The following DNAJC6 variants were observed in gnomAD, a reference collection of about 807,000 sequenced individuals.
DNAJC6 encodes auxilin.
A neutral mutation model predicts 110.0 loss-of-function variants in DNAJC6; 34 were observed. The ratio of observed to expected loss-of-function variants is 0.31; its 90% CI spans 0.24 to 0.41. The LOEUF (loss-of-function observed/expected upper bound fraction) is 0.41, where lower values mean the gene tolerates loss of function less well. Ranked by LOEUF, DNAJC6 falls within the 10% of genes least tolerant of loss-of-function variation. The probability of loss-of-function intolerance (pLI) is 1.00; values close to 1 mark genes in which losing one functional copy is unlikely to be tolerated. For missense variants in DNAJC6, 1,031 were observed against 1,207.8 expected (o/e 0.85, Z 2.17); for synonymous variants, 406 against 437.2 (o/e 0.93, Z 0.89).
At chr1:65,383,018 T>C (rs1309298885) in intron 5 of DNAJC6, among the ~76,000 whole-genome samples, 1 of 152,236 alleles carries the variant, frequency 6.6e-6, no homozygotes, top group East Asian at 1.9e-4. Flanking sequence ...GTTTATTTTT[T>C]GTTCTCACAA....
chr1:65,278,008 A>G (rs182361469), intron 1 of DNAJC6, among the ~76,000 whole-genome samples: 2 of 152,228 alleles, frequency 1.3e-5, no homozygotes, highest in Admixed American at 1.3e-4. Flanking sequence ...AGGGAAAAGG[A>G]GGAAACAGAA....
At chr1:65,296,775 A>T (rs776722781) in intron 1 of DNAJC6, among the ~76,000 whole-genome samples, 5 of 151,848 alleles carry the variant, frequency 3.3e-5, no homozygotes, top group Non-Finnish European at 7.4e-5. Flanking sequence ...TTTATTAGAG[A>T]CGGGGTTTCA....
At chr1:65,396,067 T>C (rs1012911642) in intron 13 of DNAJC6, among the ~76,000 whole-genome samples, 18 of 152,340 alleles carry the variant, frequency 1.2e-4, no homozygotes, top group Non-Finnish European at 1.5e-5. Flanking sequence ...AAGATGACTT[T>C]TGCAACACTG....
At position 65,366,099 on chromosome 1, in the gene DNAJC6, A is replaced by G. The variant is rs1459721963; in HGVS notation, c.446A>G (p.Asp149Gly). 1 of 1,613,806 alleles carries G rather than the reference A, an allele frequency of 6.2e-7. No individual in the cohort carries two copies. Residue 149 changes from aspartate to glycine, a missense_variant, in exon 4 of 19, where the codon GAT becomes GGT. By Grantham distance (94) the Asp-to-Gly change is moderately conservative (BLOSUM62 -1). Transcript: ENST00000371069. Reference protein sequence around the residue: ...NVDIGFRNQVDDIRSFLDSRH... With the variant: ...NVDIGFRNQVGDIRSFLDSRH... Reference sequence around the variant, plus strand: ...GACATAGGATTCAGGAATCAGGTTGATGACATTCGAAGCTTTTTGGATTCC... The same window carrying G: ...GACATAGGATTCAGGAATCAGGTTGGTGACATTCGAAGCTTTTTGGATTCC...
At chr1:65,387,027 T>C in intron 8 of DNAJC6, 98 bp downstream of exon 8, 1 of 1,021,782 alleles carries the variant, frequency 9.8e-7, no homozygotes, top group Non-Finnish European at 1.5e-6. Flanking sequence ...TTGAGTCACT[T>C]GTAGTTTTAG....
intron 1 of DNAJC6, among the ~76,000 whole-genome samples, chr1:65,287,468 A>C (rs1393661522): frequency 6.6e-6 from 1 of 152,158 alleles, no homozygotes; most frequent in Non-Finnish European, 1.5e-5. Flanking sequence ...TATTCCTATT[A>C]CAATGTATTT....
chr1:65,310,034 C>G, intron 1 of DNAJC6, 96 bp downstream of exon 1: 2 of 1,353,890 alleles, frequency 1.5e-6, no homozygotes, highest in Non-Finnish European at 1.9e-6. Context: ...TCCCCCAGCC[C>G]CGGTTTGCGA....
At chr1:65,336,942 T>C (rs1040381832) in intron 1 of DNAJC6, among the ~76,000 whole-genome samples, 5 of 152,140 alleles carry the variant, frequency 3.3e-5, no homozygotes, top group Admixed American at 2.6e-4. Context: ...TGTTTATGCA[T>C]TGAAGTTGCT....
At chr1:65,372,146 GGTGT>G (rs59816601) in intron 4 of DNAJC6, among the ~76,000 whole-genome samples, 20,162 of 140,876 alleles carry the variant, frequency 0.14, 2,244 homozygotes, top group East Asian at 0.52. Context: ...TGACATTTGG[GGTGT>G]GTGTGTGTGT....
chr1:65,319,342 C>T lies in DNAJC6; in HGVS notation c.193+9404C>T, dbSNP rs1645175974. On this transcript the variant is annotated intron_variant, in intron 1 of 18. Coordinates refer to ENST00000371069, the MANE Select transcript of DNAJC6 (RefSeq NM_001256864.2). ...GGCTGTGCAGATGCCCAGGGGAGTG[C>T]TGTGGAGGGGTGTGTGGTAGAAGCA... Among the ~76,000 whole-genome samples the T allele has an allele frequency of 2.0e-5, 3 of 151,858 alleles. 1 individual carries two copies. Among genetic ancestry groups the T allele is most frequent in the Admixed American group, 2.0e-4 (3 of 15,262 alleles).
At chr1:65,344,823 G>T (rs1193725983) in intron 1 of DNAJC6, among the ~76,000 whole-genome samples, 1 of 152,074 alleles carries the variant, frequency 6.6e-6, no homozygotes, top group East Asian at 1.9e-4. Flanking sequence ...ACATACCTTT[G>T]CTTGGTAAGC....
intron 1 of DNAJC6, among the ~76,000 whole-genome samples, chr1:65,348,881 A>G (rs1023830573): frequency 6.7e-6 from 1 of 148,666 alleles, no homozygotes; most frequent in African/African-American, 2.5e-5. Flanking sequence ...TTAATATGAA[A>G]TTTTAATTCT....
At chr1:65,312,640 T>C (rs750302794) in intron 1 of DNAJC6, among the ~76,000 whole-genome samples, 1 of 152,238 alleles carries the variant, frequency 6.6e-6, no homozygotes, top group Non-Finnish European at 1.5e-5. Context: ...GTCTTAATAA[T>C]ACCTTAAACT....
chr1:65,396,966 G>GTAC (rs1157492804), intron 13 of DNAJC6, among the ~76,000 whole-genome samples: 2 of 152,120 alleles, frequency 1.3e-5, no homozygotes, highest in Non-Finnish European at 2.9e-5. Context: ...TTTAATAAGA[G>GTAC]TACTACCCTT....
chr1:65,267,310 C>CT (rs1466405462), intron 1 of DNAJC6, among the ~76,000 whole-genome samples: 1 of 152,172 alleles, frequency 6.6e-6, no homozygotes, highest in African/African-American at 2.4e-5. Flanking sequence ...GGACAGGACT[C>CT]TATTTCTTTG....
rs1019841237 is a variant in DNAJC6, at chr1:65,269,668, C to G, written c.-131+4736C>G. ...GACTGGGTGAGTTGGTGAAATGATA[C>G]TTTAGCTGGGGTGATCTGTAAATGA... On this transcript the variant is annotated intron_variant, in intron 1 of 19. Coordinates refer to the DNAJC6 transcript ENST00000263441. 2.6e-5 allele frequency among the ~76,000 whole-genome samples: 4 copies of G among 152,146 alleles called. No homozygotes were observed. The South Asian group carries it at 8.3e-4, about 31-fold the overall frequency.
intron 4 of DNAJC6, among the ~76,000 whole-genome samples, chr1:65,375,426 CTTTT>C (rs34114134): frequency 7.3e-6 from 1 of 137,128 alleles, no homozygotes; most frequent in African/African-American, 2.8e-5. Context: ...TGAAGTAAAA[CTTTT>C]TTTTTTTTTT....
At chr1:65,288,084 T>A (rs1654080149) in intron 1 of DNAJC6, among the ~76,000 whole-genome samples, 2 of 152,134 alleles carry the variant, frequency 1.3e-5, no homozygotes, top group South Asian at 4.1e-4. Context: ...AGAGAATAAA[T>A]CTCTAGTCTT....
chr1:65,297,510 A>C (rs1644939501), intron 1 of DNAJC6, among the ~76,000 whole-genome samples: 1 of 152,192 alleles, frequency 6.6e-6, no homozygotes, highest in African/African-American at 2.4e-5. Flanking sequence ...ACTTAATGAA[A>C]CTGCCTTTGC....
Sources: allele counts gnomAD v4.1 joint callset (sites outside exome capture counted in the v4.1 genomes callset), GRCh38; gene constraint gnomAD v4.1.1; transcripts MANE v1.5; gene names NCBI Gene and HGNC (gene_info 2026-07-23, HGNC 2026-07-21).